Variants in ANKS1B observed in about 807,000 individuals in gnomAD.
ANKS1B encodes ankyrin repeat and sterile alpha motif domain containing 1B, also known as ankyrin repeat and sterile alpha motif domain-containing protein 1B.
A neutral mutation model predicts 148.3 loss-of-function variants in ANKS1B; 36 were observed. That is an observed-to-expected ratio of 0.24 (90% CI 0.19 to 0.32). ANKS1B has a LOEUF of 0.32. ANKS1B is among the 10% of genes least tolerant of loss of function. The probability of loss-of-function intolerance (pLI) is 1.00; values close to 1 mark genes in which losing one functional copy is unlikely to be tolerated. For missense variants in ANKS1B, 1,157 were observed against 1,542.6 expected (o/e 0.75, Z 4.19); for synonymous variants, 542 against 560.8 (o/e 0.97, Z 0.47).
intron 8 of ANKS1B, among the ~76,000 whole-genome samples, chr12:99,731,869 A>T (rs1430659807): frequency 2.6e-5 from 4 of 152,246 alleles, no homozygotes; most frequent in Non-Finnish European, 5.9e-5. Context: ...TTGAAAAATT[A>T]AAAGGCAAGC....
chr12:99,169,150 C>T (rs1401904134), intron 14 of ANKS1B, among the ~76,000 whole-genome samples: 5 of 152,098 alleles, frequency 3.3e-5, no homozygotes, highest in Non-Finnish European at 7.4e-5. Context: ...TATCCATGTA[C>T]TTGTGGAATT....
intron 8 of ANKS1B, among the ~76,000 whole-genome samples, chr12:99,725,811 G>A (rs1364898052): frequency 6.6e-6 from 1 of 152,132 alleles, no homozygotes; most frequent in Non-Finnish European, 1.5e-5. Context: ...TCAGACCACA[G>A]TGCAATCAAA....
At chr12:99,817,167 C>G (rs113508825) in intron 2 of ANKS1B, among the ~76,000 whole-genome samples, 2 of 132,714 alleles carry the variant, frequency 1.5e-5, no homozygotes, top group African/African-American at 2.8e-5. Flanking sequence ...CTTCTCCCCC[C>G]CCCCTTTCCT....
At chr12:99,587,809 AAAAATGACCTAGGTAAAAAATAGTT>A (rs1454682658) in intron 9 of ANKS1B, among the ~76,000 whole-genome samples, 3 of 152,228 alleles carry the variant, frequency 2.0e-5, no homozygotes, top group African/African-American at 7.2e-5. Context: ...TTAGCACAAA[AAAAATGACCTAGGTAAAAAATAGTT>A]AAATCCATGA....
chr12:99,677,032 T>G (rs2055400), intron 8 of ANKS1B, among the ~76,000 whole-genome samples: 18,924 of 152,284 alleles, frequency 0.12, 1,797 homozygotes, highest in East Asian at 0.46. Flanking sequence ...GAAAGCAAAC[T>G]CAATATTTCA....
intron 17 of ANKS1B, among the ~76,000 whole-genome samples, chr12:99,045,168 C>T (rs1027209906): frequency 6.6e-6 from 1 of 152,194 alleles, no homozygotes; most frequent in African/African-American, 2.4e-5. Flanking sequence ...CTGTAATCTA[C>T]TCTCTTCTTG....
intron 1 of ANKS1B, among the ~76,000 whole-genome samples, chr12:99,961,232 AAAAACAAAACAAAAC>A (rs78927321): frequency 8.0e-4 from 121 of 150,950 alleles, no homozygotes; most frequent in African/African-American, 2.9e-3. Flanking sequence ...CCCTCTCAAA[AAAAACAAAACAAAAC>A]AAAACAAGAC....
intron 25 of ANKS1B, among the ~76,000 whole-genome samples, chr12:98,772,577 C>G (rs2098601141): frequency 6.6e-6 from 1 of 152,176 alleles, no homozygotes; most frequent in African/African-American, 2.4e-5. Flanking sequence ...GGGGAACTCC[C>G]ATTTATAAAA....
chr12:99,656,837 T>C (rs996605866), intron 8 of ANKS1B, among the ~76,000 whole-genome samples: 2 of 152,198 alleles, frequency 1.3e-5, no homozygotes, highest in Non-Finnish European at 2.9e-5. Context: ...CAGCACAACA[T>C]TGATAGATCA....
intron 4 of ANKS1B, among the ~76,000 whole-genome samples, chr12:99,789,800 A>T (rs2065426911): frequency 6.6e-6 from 1 of 152,154 alleles, no homozygotes; most frequent in Non-Finnish European, 1.5e-5. Flanking sequence ...ATCTCATCTG[A>T]AAACACACTG....
chr12:99,356,133 C>G (rs190216982), intron 12 of ANKS1B, among the ~76,000 whole-genome samples: 2 of 152,202 alleles, frequency 1.3e-5, no homozygotes, highest in East Asian at 3.9e-4. Context: ...GGAACAGCCA[C>G]TACTCTAGAA....
chr12:99,361,235 A>C (rs563527934), intron 12 of ANKS1B, among the ~76,000 whole-genome samples: 85 of 152,250 alleles, frequency 5.6e-4, no homozygotes, highest in African/African-American at 2.0e-3. Context: ...ATGTACCCCC[A>C]TAAATAATAT....
intron 12 of ANKS1B, among the ~76,000 whole-genome samples, chr12:99,294,842 G>A (rs1055051526): frequency 1.3e-5 from 2 of 152,040 alleles, no homozygotes; most frequent in African/African-American, 4.8e-5. Flanking sequence ...TAGTAGAGAC[G>A]GGGTTTCTCC....
chr12:99,549,808 G>C (rs1250075413), intron 9 of ANKS1B, among the ~76,000 whole-genome samples: 1 of 152,148 alleles, frequency 6.6e-6, no homozygotes, highest in African/African-American at 2.4e-5. Context: ...ACAGACCCTG[G>C]TCACAGTGGA....
chr12:99,350,978 T>C (rs1026035166), intron 12 of ANKS1B, among the ~76,000 whole-genome samples: 5 of 152,140 alleles, frequency 3.3e-5, no homozygotes, highest in Admixed American at 6.6e-5. Context: ...CAAATCATTC[T>C]CATTTTATTT....
At chr12:99,725,567 C>A (rs2058534960) in intron 8 of ANKS1B, among the ~76,000 whole-genome samples, 1 of 152,146 alleles carries the variant, frequency 6.6e-6, no homozygotes, top group African/African-American at 2.4e-5. Context: ...GGACTTCTAA[C>A]ACCCTACTGT....
intron 8 of ANKS1B, among the ~76,000 whole-genome samples, chr12:99,737,888 T>A (rs958515480): frequency 6.6e-6 from 1 of 152,134 alleles, no homozygotes; most frequent in African/African-American, 2.4e-5. Flanking sequence ...CAACTATTCA[T>A]CAATAGTTTA....
At chr12:99,253,029 G>C (rs2074814239) in intron 12 of ANKS1B, among the ~76,000 whole-genome samples, 1 of 152,150 alleles carries the variant, frequency 6.6e-6, no homozygotes, top group African/African-American at 2.4e-5. Context: ...TTTGAGACCA[G>C]CCTGGGCAAC....
intron 20 of ANKS1B, among the ~76,000 whole-genome samples, chr12:98,802,211 G>T (rs1409671131): frequency 6.6e-6 from 1 of 152,150 alleles, no homozygotes; most frequent in Non-Finnish European, 1.5e-5. Flanking sequence ...GTGTAAAAAG[G>T]TCTCATAAAC....
Sources: allele counts gnomAD v4.1 joint callset (sites outside exome capture counted in the v4.1 genomes callset), GRCh38; gene constraint gnomAD v4.1.1; transcripts MANE v1.5; gene names NCBI Gene and HGNC (gene_info 2026-07-23, HGNC 2026-07-21).